RIPOR2: variants seen among roughly 807,000 people sequenced by gnomAD.
RIPOR2 encodes rho family-interacting cell polarization regulator 2.
In RIPOR2, 39 loss-of-function variants were observed where a neutral mutation model predicts 114.5. The observed-to-expected ratio is 0.34, with a 90% CI of 0.26 to 0.44. RIPOR2 has a LOEUF of 0.44. RIPOR2 is among the 20% of genes least tolerant of loss of function. RIPOR2 has a pLI of 1.00. For synonymous variants in RIPOR2, 445 were observed against 484.4 expected, an observed-to-expected ratio of 0.92 and a Z score of 1.07; for missense variants, 1,007 against 1,255.1, an observed-to-expected ratio of 0.80 and a Z score of 2.99.
chr6:24,973,156 T>C (rs11961358), intron 1 of RIPOR2, among the ~76,000 whole-genome samples: 26,888 of 152,142 alleles, frequency 0.18, 5,149 homozygotes, highest in African/African-American at 0.48. Context: ...ATTTAAATAG[T>C]CAATTAGCTG....
At chr6:24,853,304 C>T (rs758502611) in intron 8 of RIPOR2, among the ~76,000 whole-genome samples, 24 of 152,298 alleles carry the variant, frequency 1.6e-4, no homozygotes, top group Non-Finnish European at 2.5e-4. Flanking sequence ...CTGCTCGATT[C>T]GAGATCTCTC....
At chr6:24,866,671 T>C (rs1326001708) in intron 6 of RIPOR2, among the ~76,000 whole-genome samples, 2 of 152,002 alleles carry the variant, frequency 1.3e-5, no homozygotes, top group African/African-American at 4.8e-5. Context: ...TGTTCTAAAG[T>C]TATTCCTAAT....
At chr6:24,834,020 C>T (rs1411799663) in intron 15 of RIPOR2, among the ~76,000 whole-genome samples, 1 of 151,904 alleles carries the variant, frequency 6.6e-6, no homozygotes, top group African/African-American at 2.4e-5. Context: ...AGAGCTGTCT[C>T]GTTCAAATGG....
chr6:24,864,255 G>A (rs908224548), intron 7 of RIPOR2, among the ~76,000 whole-genome samples: 2 of 152,138 alleles, frequency 1.3e-5, no homozygotes, highest in Non-Finnish European at 2.9e-5. Context: ...ACTTGAACCC[G>A]GGAGGCAGAG....
chr6:24,937,169 AC>A (rs375534423), upstream of RIPOR2, among the ~76,000 whole-genome samples: 18 of 152,202 alleles, frequency 1.2e-4, no homozygotes, highest in African/African-American at 4.3e-4. Context: ...GTTCCCAAAG[AC>A]AGTGTACAGC....
chr6:24,975,247 C>T (rs1446473857), intron 1 of RIPOR2, among the ~76,000 whole-genome samples: 1 of 152,072 alleles, frequency 6.6e-6, no homozygotes, highest in African/African-American at 2.4e-5. Context: ...GAAGTTTAAA[C>T]ACAAAGAATG....
chr6:24,827,063 T>G (rs764847007), intron 18 of RIPOR2, among the ~76,000 whole-genome samples: 1 of 152,192 alleles, frequency 6.6e-6, no homozygotes. Flanking sequence ...AAACTGCCAC[T>G]GATGCAAACT....
intron 1 of RIPOR2, among the ~76,000 whole-genome samples, chr6:24,997,615 A>G (rs1775103134): frequency 6.6e-6 from 1 of 152,224 alleles, no homozygotes. Flanking sequence ...AGTAACAAGC[A>G]AAAGCACTCC....
chr6:24,933,309 A>G (rs1338626061), intron 1 of RIPOR2, among the ~76,000 whole-genome samples: 1 of 152,244 alleles, frequency 6.6e-6, no homozygotes, highest in African/African-American at 2.4e-5. Flanking sequence ...ACACACAGCC[A>G]TATGAGGTTT....
At chr6:24,874,472 C>T (rs2113894231) in intron 2 of RIPOR2, among the ~76,000 whole-genome samples, 1 of 152,230 alleles carries the variant, frequency 6.6e-6, no homozygotes, top group Non-Finnish European at 1.5e-5. Context: ...GGTAATGTTC[C>T]CAGATCTGAG....
chr6:24,963,231 C>T (rs1390584708), intron 1 of RIPOR2, among the ~76,000 whole-genome samples: 1 of 152,142 alleles, frequency 6.6e-6, no homozygotes, highest in Non-Finnish European at 1.5e-5. Flanking sequence ...CGGGGTTTCA[C>T]CATGTTGGCC....
chr6:25,031,721 ATATATATATATATATATATATATATATAT>A (rs1776962380), intron 1 of RIPOR2, among the ~76,000 whole-genome samples: 1 of 104,168 alleles, frequency 9.6e-6, no homozygotes, highest in Non-Finnish European at 1.9e-5. Context: ...ATATATATAT[ATATATATATATATATATATATATATATAT>A]AAAATATCCA....
At chr6:24,965,864 A>G (rs904545156) in intron 1 of RIPOR2, among the ~76,000 whole-genome samples, 6 of 152,206 alleles carry the variant, frequency 3.9e-5, no homozygotes, top group African/African-American at 1.4e-4. Flanking sequence ...CATCTCAGTA[A>G]CTTTCAAACG....
In RIPOR2 at chr6:24,832,341, C is replaced by G. The variant is rs1357190142; in HGVS notation, c.2259G>C (p.Glu753Asp). ...TCACTTGGATCTGCCTAGAAAGCTTCTCTAAGAGACTTCTTGCCACAAATG... is the reference window on the plus strand; with the variant it reads ...TCACTTGGATCTGCCTAGAAAGCTTGTCTAAGAGACTTCTTGCCACAAATG... ...KTPFVARSLL[E>D]KLSRQIQVME... The change falls in exon 16 of 22, where the codon GAG (glutamate) becomes GAC (aspartate). Residue 753 changes from glutamate (E) to aspartate (D), a missense_variant. By Grantham distance (45) the Glu-to-Asp change is conservative. Transcript: ENST00000643898. 1 of 1,551,880 alleles carries G rather than the reference C, an allele frequency of 6.4e-7. No homozygotes were observed. The highest frequency in any genetic ancestry group is 8.7e-7 in the Non-Finnish European group (1 of 1,146,996).
Position 24,970,074 on chromosome 6 carries a change from TC to T in RIPOR2, c.76+71776del, listed in dbSNP as rs939905582. 3.9e-4 allele frequency among the ~76,000 whole-genome samples: 59 copies of T among 151,990 alleles called. 3 individuals are homozygous for T. Among genetic ancestry groups the T allele is most frequent in the Non-Finnish European group, 1.5e-5 (1 of 67,990 alleles). Reference sequence around the variant, plus strand: ...AGAAGAGGCAAGAGGACTCTGAAGTTCCTGGATGGGAAGCCTGGGAAAGGGA... The same window carrying T: ...AGAAGAGGCAAGAGGACTCTGAAGTTCTGGATGGGAAGCCTGGGAAAGGGA... On this transcript the variant is annotated intron_variant, in intron 1 of 13. Coordinates refer to the RIPOR2 transcript ENST00000510784.
At chr6:24,882,289 G>A (rs1424718268) in intron 1 of RIPOR2, among the ~76,000 whole-genome samples, 3 of 152,202 alleles carry the variant, frequency 2.0e-5, no homozygotes, top group Admixed American at 6.5e-5. Context: ...ATTTCACTAC[G>A]AGACAGGTAA....
intron 1 of RIPOR2, among the ~76,000 whole-genome samples, chr6:25,006,511 C>T (rs566073877): frequency 1.1e-4 from 16 of 152,370 alleles, no homozygotes; most frequent in African/African-American, 3.6e-4. Context: ...ATTCCAATCT[C>T]CCTCTGCTTT....
chr6:24,999,970 G>A (rs940103792), intron 1 of RIPOR2, among the ~76,000 whole-genome samples: 1 of 152,200 alleles, frequency 6.6e-6, no homozygotes, highest in Non-Finnish European at 1.5e-5. Flanking sequence ...TCAGGTGGTG[G>A]TGAGAGAAGG....
At chr6:24,836,144 A>T (rs1761087837) in intron 14 of RIPOR2, 1 of 404,984 alleles carries the variant, frequency 2.5e-6, no homozygotes, top group East Asian at 4.5e-5. Context: ...TTCACCCAGA[A>T]GTCTTTGAAA....
Sources: gnomAD v4.1 joint callset for allele counts (sites outside exome capture counted in the v4.1 genomes callset) on GRCh38, gnomAD v4.1.1 for gene constraint, MANE v1.5 for transcripts, NCBI Gene and HGNC (gene_info 2026-07-23, HGNC 2026-07-21) for gene names.